The following SLC25A13 variants were observed in gnomAD, a reference collection of about 807,000 sequenced individuals.
SLC25A13 encodes the protein electrogenic aspartate/glutamate antiporter SLC25A13, mitochondrial.
In SLC25A13, 70 loss-of-function variants were observed where a neutral mutation model predicts 85.5. That is an observed-to-expected ratio of 0.82 (90% CI 0.68 to 1.00). The LOEUF (loss-of-function observed/expected upper bound fraction) is 1.00. Ranked by LOEUF, SLC25A13 falls within the 50% of genes least tolerant of loss-of-function variation. The pLI is 0.00. For missense variants in SLC25A13, 765 were observed against 819.8 expected, an observed-to-expected ratio of 0.93 and a Z score of 0.82; for synonymous variants, 259 against 288.7, an observed-to-expected ratio of 0.90 and a Z score of 1.04.
At chr7:96,157,710 A>G (rs1793339989) in intron 13 of SLC25A13, among the ~76,000 whole-genome samples, 1 of 152,118 alleles carries the variant, frequency 6.6e-6, no homozygotes, top group African/African-American at 2.4e-5. Flanking sequence ...AGGCTGAGGC[A>G]GAATTGCTTG....
intron 14 of SLC25A13, among the ~76,000 whole-genome samples, chr7:96,135,667 A>G (rs1792253511): frequency 6.6e-6 from 1 of 152,192 alleles, no homozygotes; most frequent in African/African-American, 2.4e-5. Context: ...TTTTACCAAG[A>G]GATCAGCCAT....
intron 3 of SLC25A13, among the ~76,000 whole-genome samples, chr7:96,250,118 C>T (rs902716120): frequency 9.2e-5 from 14 of 151,884 alleles, no homozygotes; most frequent in African/African-American, 2.2e-4. Flanking sequence ...ACCCAGGAGG[C>T]GGAGGTTGCA....
At chr7:96,168,228 A>G (rs565999660) in intron 13 of SLC25A13, among the ~76,000 whole-genome samples, 4 of 151,076 alleles carry the variant, frequency 2.6e-5, no homozygotes, top group Non-Finnish European at 5.9e-5. Context: ...TACCTACAGG[A>G]TTGCTTAACT....
At chr7:96,299,470 G>C (rs1276396516) in intron 1 of SLC25A13, among the ~76,000 whole-genome samples, 1 of 152,176 alleles carries the variant, frequency 6.6e-6, no homozygotes, top group Non-Finnish European at 1.5e-5. Context: ...TAATTTTACA[G>C]AAGAGGAAAC....
chr7:96,195,473 C>T (rs1196523216), intron 5 of SLC25A13, among the ~76,000 whole-genome samples: 2 of 152,210 alleles, frequency 1.3e-5, no homozygotes, highest in Non-Finnish European at 2.9e-5. Context: ...GTGGTTCTGA[C>T]TGTCAGTCTG....
intron 5 of SLC25A13, among the ~76,000 whole-genome samples, chr7:96,199,518 G>A (rs1199169052): frequency 1.3e-5 from 2 of 152,148 alleles, no homozygotes; most frequent in African/African-American, 4.8e-5. Flanking sequence ...TGCTGCTGCC[G>A]AAGACAGTTA....
At chr7:96,170,590 A>T (rs1264575986) in intron 12 of SLC25A13, among the ~76,000 whole-genome samples, 1 of 152,210 alleles carries the variant, frequency 6.6e-6, no homozygotes, top group Non-Finnish European at 1.5e-5. Context: ...TTCAATATCT[A>T]AAAATTCCTC....
chr7:96,320,282 C>T (rs936608860), intron 1 of SLC25A13, among the ~76,000 whole-genome samples: 7 of 152,210 alleles, frequency 4.6e-5, no homozygotes, highest in African/African-American at 1.2e-4. Flanking sequence ...GCTGGGATTA[C>T]AGGCATGAGC....
intron 6 of SLC25A13, 115 bp from the exon 7 acceptor site, chr7:96,191,362 G>T: frequency 9.1e-7 from 1 of 1,093,386 alleles, no homozygotes; most frequent in Non-Finnish European, 1.3e-6. Context: ...TGTACAAGAA[G>T]AAATGACTAT....
At chr7:96,226,514 G>A (rs775371996) in intron 4 of SLC25A13, among the ~76,000 whole-genome samples, 1 of 152,244 alleles carries the variant, frequency 6.6e-6, no homozygotes, top group East Asian at 1.9e-4. Context: ...CCAGAAGTGA[G>A]ATTGGTGGAT....
chr7:96,196,828 C>T (rs1441605931), intron 5 of SLC25A13, among the ~76,000 whole-genome samples: 1 of 152,172 alleles, frequency 6.6e-6, no homozygotes, highest in Non-Finnish European at 1.5e-5. Context: ...TGAAGATCAT[C>T]TGTTTATGTC....
intron 3 of SLC25A13, among the ~76,000 whole-genome samples, chr7:96,265,034 T>C (rs933721286): frequency 1.3e-5 from 2 of 152,220 alleles, no homozygotes; most frequent in Non-Finnish European, 2.9e-5. Context: ...AAGAAAGAAG[T>C]ATTTTAATGG....
intron 1 of SLC25A13, among the ~76,000 whole-genome samples, chr7:96,312,629 GACAA>G (rs34321621): frequency 0.63 from 96,161 of 151,510 alleles, 30,853 homozygotes; most frequent in Non-Finnish European, 0.67. Flanking sequence ...TGTAGGCACT[GACAA>G]ACAGTCGTCG....
intron 14 of SLC25A13, among the ~76,000 whole-genome samples, chr7:96,140,598 T>C (rs1792500455): frequency 1.3e-5 from 2 of 151,494 alleles, no homozygotes; most frequent in African/African-American, 2.4e-5. Context: ...AGAGATGGGG[T>C]TTCACCATGT....
At chr7:96,183,723 G>A (rs1055139428) in intron 11 of SLC25A13, among the ~76,000 whole-genome samples, 1 of 152,148 alleles carries the variant, frequency 6.6e-6, no homozygotes, top group African/African-American at 2.4e-5. Context: ...AAAAGGTGGA[G>A]AAAGAAGGAT....
At chr7:96,319,958 C>T (rs977982154) in intron 1 of SLC25A13, among the ~76,000 whole-genome samples, 1 of 152,182 alleles carries the variant, frequency 6.6e-6, no homozygotes, top group Non-Finnish European at 1.5e-5. Context: ...AGAAGTACAA[C>T]CAAAGAGTTG....
intron 4 of SLC25A13, among the ~76,000 whole-genome samples, chr7:96,225,063 T>C (rs1398506210): frequency 6.6e-6 from 1 of 152,200 alleles, no homozygotes; most frequent in Non-Finnish European, 1.5e-5. Context: ...CAAAAATACT[T>C]AGCCCAGAGG....
At chr7:96,182,596 G>A (rs1052458819) in intron 11 of SLC25A13, among the ~76,000 whole-genome samples, 3 of 152,152 alleles carry the variant, frequency 2.0e-5, no homozygotes, top group Admixed American at 6.5e-5. Flanking sequence ...GAACTGAAAC[G>A]GCAAGAGTGG....
intron 3 of SLC25A13, among the ~76,000 whole-genome samples, chr7:96,241,659 T>C (rs1183063379): frequency 6.6e-6 from 1 of 152,230 alleles, no homozygotes; most frequent in African/African-American, 2.4e-5. Context: ...AAGATTTTTT[T>C]CTGCTTGTCC....
Sources: gnomAD v4.1 joint callset for allele counts (sites outside exome capture counted in the v4.1 genomes callset) on GRCh38, gnomAD v4.1.1 for gene constraint, MANE v1.5 for transcripts, NCBI Gene and HGNC (gene_info 2026-07-23, HGNC 2026-07-21) for gene names.